The following LNPEP variants were observed in gnomAD, a reference collection of about 807,000 sequenced individuals.
LNPEP encodes the protein leucyl and cystinyl aminopeptidase.
LNPEP carries 64 observed loss-of-function variants against 120.6 expected under a neutral mutation model. The observed-to-expected ratio is 0.53, with a 90% CI of 0.43 to 0.65. The LOEUF (loss-of-function observed/expected upper bound fraction) is 0.65. Among genes scored for constraint, LNPEP ranks in the 30% least tolerant of loss-of-function variants. LNPEP has a pLI of 0.00. For missense variants in LNPEP, 1,057 were observed against 1,200.0 expected (o/e 0.88, Z 1.76); for synonymous variants, 435 against 425.4 (o/e 1.02, Z -0.28).
rs1004551329 is a variant in LNPEP at position 97,035,633 on chromosome 5, G to A, written c.*7100G>A. 18 of 152,088 alleles carry A rather than the reference G, an allele frequency of 1.2e-4. No homozygotes were observed. Among genetic ancestry groups the A allele is most frequent in the African/African-American group, 4.3e-4 (18 of 41,394 alleles). The allele number at this position is 152,088 out of a possible 1,614,324, so 9.4% of individuals were successfully genotyped here. ...ATTCTCTAGGATCTATTCCATTAAG[G>A]ATGCAAGTGTGTAGATGCATATATA... On this transcript the variant is annotated 3_prime_UTR_variant, in exon 18 of 18. Transcript: ENST00000231368.
intron 14 of LNPEP, among the ~76,000 whole-genome samples, chr5:97,023,150 T>A (rs1257299148): frequency 6.6e-6 from 1 of 152,154 alleles, no homozygotes; most frequent in Non-Finnish European, 1.5e-5. Flanking sequence ...CTCATATAAG[T>A]AAAGTCATAT....
Position 97,008,822 on chromosome 5 carries a change from G to A in LNPEP, c.2035+2307G>A, listed in dbSNP as rs1023366595. On this transcript the variant is annotated intron_variant, in intron 11 of 17. Coordinates refer to ENST00000231368, the MANE Select transcript of LNPEP (RefSeq NM_005575.3). ...TGGGACTACAGGCGCCTGCCACCATGCCCGGCTAATTTTTTATATTTTTAG... is the reference window on the plus strand; with the variant it reads ...TGGGACTACAGGCGCCTGCCACCATACCCGGCTAATTTTTTATATTTTTAG... 4.0e-5 allele frequency among the ~76,000 whole-genome samples: 6 copies of A among 151,886 alleles called. No homozygotes were observed. In the East Asian group the frequency reaches 9.7e-4, roughly 25 times the overall value.
chr5:96,965,922 C>T (rs1158793508), intron 1 of LNPEP, among the ~76,000 whole-genome samples: 1 of 151,942 alleles, frequency 6.6e-6, no homozygotes, highest in African/African-American at 2.4e-5. Context: ...TTTATTTGGT[C>T]CTGTCCTTGA....
chr5:96,978,464 T>A (rs1790051533), intron 1 of LNPEP, among the ~76,000 whole-genome samples: 1 of 152,246 alleles, frequency 6.6e-6, no homozygotes, highest in Non-Finnish European at 1.5e-5. Flanking sequence ...TTCTTGCTTA[T>A]GGAAATTTCC....
At position 97,031,653 on chromosome 5, in the gene LNPEP, T is replaced by A. The variant is rs27440; in HGVS notation, c.*3120T>A. 6.6e-6 allele frequency: 1 copy of A among 152,212 alleles called. No homozygotes were observed. 9.4% of individuals were successfully genotyped at this position (152,212 alleles called of 1,614,324 possible). A position where few individuals can be genotyped will look rare whatever the true frequency, so the allele number is the denominator to read the frequency against. On this transcript the variant is annotated 3_prime_UTR_variant, in exon 18 of 18. Transcript: ENST00000231368. ...TGCCTGTAATCCCAGCATTTTGGGA[T>A]GCCAAGGTGGGCAGACCATTTGAGG...
At chr5:96,957,083 G>A (rs1008025083) in intron 1 of LNPEP, among the ~76,000 whole-genome samples, 16 of 151,884 alleles carry the variant, frequency 1.1e-4, no homozygotes, top group Non-Finnish European at 2.1e-4. Flanking sequence ...TATAATAACC[G>A]CTTTAAAGTA....
In LNPEP at chr5:97,035,470, T is replaced by G. The variant is rs2112686404; in HGVS notation, c.*6937T>G. 1 of 152,288 alleles carries G rather than the reference T, an allele frequency of 6.6e-6. No individual in the cohort carries two copies. The highest frequency in any genetic ancestry group is 1.5e-5 in the Non-Finnish European group (1 of 68,012). 9.4% of individuals were successfully genotyped at this position (152,288 alleles called of 1,614,324 possible). A position where few individuals can be genotyped will look rare whatever the true frequency, so the allele number is the denominator to read the frequency against. On this transcript the variant is annotated 3_prime_UTR_variant, in exon 18 of 18. Transcript: ENST00000231368. Reference sequence around the variant, plus strand: ...TCTTAATATGTTTTCATATCTTTATTTCATTTTGTAGTCTTTTGCATGGCT... The same window carrying G: ...TCTTAATATGTTTTCATATCTTTATGTCATTTTGTAGTCTTTTGCATGGCT...
At chr5:97,007,963 G>A (rs1790824821) in intron 11 of LNPEP, among the ~76,000 whole-genome samples, 1 of 152,146 alleles carries the variant, frequency 6.6e-6, no homozygotes, top group Non-Finnish European at 1.5e-5. Context: ...TTTTACCATA[G>A]TGGAGTGTTA....
intron 1 of LNPEP, chr5:96,958,492 A>G (rs1260167145): frequency 8.1e-6 from 8 of 985,420 alleles, no homozygotes; most frequent in Non-Finnish European, 9.6e-6. Flanking sequence ...CCGTACAGCC[A>G]TGAATGTCAG....
chr5:96,972,555 GCC>G (rs34370608), intron 1 of LNPEP, among the ~76,000 whole-genome samples: 1 of 151,996 alleles, frequency 6.6e-6, no homozygotes, highest in African/African-American at 2.4e-5. Flanking sequence ...CTCTGCACGT[GCC>G]CCCCTTCACC....
chr5:97,022,226 GC>G, intron 13 of LNPEP, 73 bp from the exon 14 acceptor site: 1 of 924,198 alleles, frequency 1.1e-6, no homozygotes, highest in Non-Finnish European at 1.7e-6. Flanking sequence ...ACTGCACCTG[GC>G]TGTAATTGTC....
chr5:96,990,472 A>G (rs1036662031), intron 4 of LNPEP, among the ~76,000 whole-genome samples: 3 of 152,222 alleles, frequency 2.0e-5, no homozygotes, highest in African/African-American at 7.2e-5. Flanking sequence ...TTCTTCCAGT[A>G]GTAACCACAA....
At chr5:97,018,815 T>C (rs1375981653) in intron 13 of LNPEP, among the ~76,000 whole-genome samples, 1 of 152,216 alleles carries the variant, frequency 6.6e-6, no homozygotes, top group Non-Finnish European at 1.5e-5. Context: ...TTATGTAGGC[T>C]GCACATGACA....
chr5:97,001,768 A>G (rs1790657412), intron 8 of LNPEP, among the ~76,000 whole-genome samples: 1 of 152,174 alleles, frequency 6.6e-6, no homozygotes, highest in African/African-American at 2.4e-5. Flanking sequence ...GTTATATCAA[A>G]TGCTATCAAT....
Position 97,015,083 on chromosome 5 carries a change from C to G in LNPEP, c.2364C>G (p.Ala788=). Residue 788 remains alanine (A), a synonymous_variant, in exon 13 of 18, where the codon GCC becomes GCG. Coordinates refer to ENST00000231368, the MANE Select transcript of LNPEP (RefSeq NM_005575.3). ...AAAAACTGGGATACATGGATCTGGCCTCAAGACTGGTGGTAAGTCTGCCTT... is the reference window on the plus strand; with the variant it reads ...AAAAACTGGGATACATGGATCTGGCGTCAAGACTGGTGGTAAGTCTGCCTT... ...LLEKLGYMDL[A]SRLVTRVFKL... 1 of 1,566,450 alleles carries G rather than the reference C, an allele frequency of 6.4e-7. No individual in the cohort carries two copies. The highest frequency in any genetic ancestry group is 8.6e-7 in the Non-Finnish European group (1 of 1,159,438).
intron 12 of LNPEP, among the ~76,000 whole-genome samples, chr5:97,014,295 C>T (rs1314898557): frequency 6.6e-6 from 1 of 152,116 alleles, no homozygotes; most frequent in African/African-American, 2.4e-5. Context: ...ACAGTGACCT[C>T]ATGTAAACAT....
intron 1 of LNPEP, among the ~76,000 whole-genome samples, chr5:96,952,010 T>G (rs992317536): frequency 3.3e-5 from 5 of 149,386 alleles, no homozygotes; most frequent in Non-Finnish European, 5.9e-5. Flanking sequence ...CTCTTAAAAT[T>G]TTTTTTATCG....
chr5:97,019,056 C>T (rs141108317), intron 13 of LNPEP, among the ~76,000 whole-genome samples: 23 of 152,266 alleles, frequency 1.5e-4, no homozygotes, highest in African/African-American at 5.3e-4. Flanking sequence ...GGAAAGAACT[C>T]CCTGGGCATA....
intron 8 of LNPEP, 48 bp from the exon 9 acceptor site, chr5:97,003,367 T>TAGTATTCTATTA: frequency 9.0e-7 from 1 of 1,114,468 alleles, no homozygotes; most frequent in Non-Finnish European, 1.3e-6. Context: ...CGATAATCTA[T>TAGTATTCTATTA]AGTATTCTAT....
Sources: allele counts gnomAD v4.1 joint callset (sites outside exome capture counted in the v4.1 genomes callset), GRCh38; gene constraint gnomAD v4.1.1; transcripts MANE v1.5; gene names NCBI Gene and HGNC (gene_info 2026-07-23, HGNC 2026-07-21).